ZEB2: variants seen among roughly 807,000 people sequenced by gnomAD.
ZEB2 encodes the protein zinc finger E-box-binding homeobox 2.
A neutral mutation model predicts 99.9 loss-of-function variants in ZEB2; 6 were observed. The observed-to-expected ratio is 0.06, with a 90% CI of 0.03 to 0.12. ZEB2 has a LOEUF of 0.12. Ranked by LOEUF, ZEB2 falls within the 10% of genes least tolerant of loss-of-function variation. The probability of loss-of-function intolerance (pLI) is 1.00; values close to 1 mark genes in which losing one functional copy is unlikely to be tolerated. For synonymous variants in ZEB2, 517 were observed against 542.5 expected (o/e 0.95, Z 0.65); for missense variants, 969 against 1,502.8 (o/e 0.64, Z 5.87).
chr2:144,512,323 T>C, intron 2 of ZEB2: 1 of 1,287,214 alleles, frequency 7.8e-7, no homozygotes, highest in Non-Finnish European at 1.0e-6. Flanking sequence ...TGACAAAAAC[T>C]GTTGCAAGGA....
intron 2 of ZEB2, among the ~76,000 whole-genome samples, chr2:144,472,081 T>C (rs562508110): frequency 6.6e-6 from 1 of 151,812 alleles, no homozygotes. Flanking sequence ...GCATAACATG[T>C]TTCCATTTAA....
chr2:144,417,626 C>T (rs1056508296), intron 4 of ZEB2, among the ~76,000 whole-genome samples: 4 of 152,088 alleles, frequency 2.6e-5, no homozygotes, highest in African/African-American at 4.8e-5. Flanking sequence ...GGTATATATA[C>T]CATTCATTAT....
chr2:144,490,159 G>A (rs1027600785), intron 2 of ZEB2, among the ~76,000 whole-genome samples: 8 of 152,176 alleles, frequency 5.3e-5, no homozygotes, highest in Non-Finnish European at 1.0e-4. Flanking sequence ...GCAATGGTAA[G>A]AGCATGACTC....
chr2:144,479,376 G>C (rs977699973), intron 2 of ZEB2, among the ~76,000 whole-genome samples: 2 of 152,098 alleles, frequency 1.3e-5, no homozygotes, highest in African/African-American at 4.8e-5. Flanking sequence ...GGCCTTTCTT[G>C]TCTAGTTCAC....
At chr2:144,439,266 C>T (rs1703877234) in intron 2 of ZEB2, among the ~76,000 whole-genome samples, 1 of 152,012 alleles carries the variant, frequency 6.6e-6, no homozygotes, top group Non-Finnish European at 1.5e-5. Flanking sequence ...GCATGGAGAC[C>T]CTACCAGGCA....
In ZEB2 at chr2:144,389,003, T is replaced by C. The variant is rs1703118555; in HGVS notation, c.*448A>G. 2.4e-6 allele frequency: 1 copy of C among 417,248 alleles called. No homozygotes were observed. Among genetic ancestry groups the C allele is most frequent in the Non-Finnish European group, 4.5e-6 (1 of 223,028 alleles). 25.8% of individuals were successfully genotyped at this position (417,248 alleles called of 1,614,324 possible). A position where few individuals can be genotyped will look rare whatever the true frequency, so the allele number is the denominator to read the frequency against. On this transcript the variant is annotated 3_prime_UTR_variant, in exon 10 of 10. Transcript: ENST00000627532. The surrounding 1 kb of genome is among the most constrained non-coding windows in gnomAD (Gnocchi z 6.8). ...CAGAGGAATCATAATACTGATGCAT[T>C]GTAGTGCGAGCACATTAAATTAAAA...
intron 9 of ZEB2, among the ~76,000 whole-genome samples, chr2:144,392,299 A>G (rs1238340333): frequency 6.6e-6 from 1 of 152,222 alleles, no homozygotes; most frequent in Non-Finnish European, 1.5e-5. Context: ...TTGAATGAAC[A>G]TTATGATATG....
chr2:144,409,451 C>T (rs1248269245), intron 4 of ZEB2, among the ~76,000 whole-genome samples: 1 of 152,106 alleles, frequency 6.6e-6, no homozygotes, highest in East Asian at 1.9e-4. Context: ...CATTTTCCTT[C>T]TTTCTGTAAT....
intron 2 of ZEB2, among the ~76,000 whole-genome samples, chr2:144,485,820 T>C (rs1316696584): frequency 3.9e-5 from 6 of 152,154 alleles, no homozygotes; most frequent in Non-Finnish European, 7.3e-5. Flanking sequence ...GGTTTCACCA[T>C]GTTGGCCAGA....
intron 2 of ZEB2, among the ~76,000 whole-genome samples, chr2:144,493,063 A>G (rs1704705210): frequency 6.6e-6 from 1 of 152,218 alleles, no homozygotes; most frequent in African/African-American, 2.4e-5. Context: ...AAGAAAAAGT[A>G]CCATGTATAT....
chr2:144,468,058 G>A (rs1196441861), intron 2 of ZEB2, among the ~76,000 whole-genome samples: 2 of 152,078 alleles, frequency 1.3e-5, no homozygotes, highest in Non-Finnish European at 2.9e-5. Context: ...TCAAAGGGGA[G>A]TAGTTTGGAA....
At chr2:144,430,469 C>A (rs1703755313) in intron 2 of ZEB2, 1 of 208,232 alleles carries the variant, frequency 4.8e-6, no homozygotes, top group Non-Finnish European at 1.1e-5. Context: ...GTGGTTTTTT[C>A]CCTAGAAACA....
intron 2 of ZEB2, among the ~76,000 whole-genome samples, chr2:144,465,108 C>A (rs976554586): frequency 6.6e-5 from 10 of 152,138 alleles, no homozygotes; most frequent in African/African-American, 1.7e-4. Flanking sequence ...GAAATCTTTA[C>A]CCCGTTTGTA....
At chr2:144,448,263 G>C (rs759228791) in intron 2 of ZEB2, among the ~76,000 whole-genome samples, 5 of 152,118 alleles carry the variant, frequency 3.3e-5, no homozygotes, top group Admixed American at 6.6e-5. Context: ...ATTTAAGCAT[G>C]AAATATATAA....
At chr2:144,410,816 TA>T (rs1703449973) in intron 4 of ZEB2, among the ~76,000 whole-genome samples, 1 of 151,796 alleles carries the variant, frequency 6.6e-6, no homozygotes, top group Admixed American at 6.6e-5. Context: ...AATGAATAAA[TA>T]ATTCTTTTTA....
intron 2 of ZEB2, among the ~76,000 whole-genome samples, chr2:144,435,567 C>A (rs1052101378): frequency 6.6e-6 from 1 of 150,668 alleles, no homozygotes; most frequent in South Asian, 2.1e-4. Flanking sequence ...CCACTGCACT[C>A]CAGCCTGGGC....
At chr2:144,513,906 G>C in intron 2 of ZEB2, 1 of 1,493,942 alleles carries the variant, frequency 6.7e-7, no homozygotes. Flanking sequence ...AGGCGACTGA[G>C]GATCATCTGA....
rs761965618 is a variant in ZEB2, at chr2:144,396,396, G to A, written c.3067+16C>T. The A allele has an allele frequency of 2.5e-6, 4 of 1,612,554 alleles. No individual in the cohort carries two copies. The highest frequency in any genetic ancestry group is 3.4e-6 in the Non-Finnish European group (4 of 1,179,902). On this transcript the variant is annotated intron_variant, in intron 9 of 9. Transcript: ENST00000627532. ...AGGACGGGAAGCTCTAACCAGTTAG[G>A]CAAAGTCACTCATACCTGTGTGTTC...
Position 144,386,250 on chromosome 2 carries a change from T to A in ZEB2, c.*3201A>T, listed in dbSNP as rs1703081671. The A allele has an allele frequency of 1.3e-5, 2 of 152,108 alleles. No individual in the cohort carries two copies. Among genetic ancestry groups the A allele is most frequent in the Non-Finnish European group, 2.9e-5 (2 of 68,004 alleles). 9.4% of individuals were successfully genotyped at this position (152,108 alleles called of 1,614,324 possible). Reference sequence around the variant, plus strand: ...ACATCTGATGTTACTAAAATGCACATCTCTTGGTTGTGGAGGGGAATTTCT... The same window carrying A: ...ACATCTGATGTTACTAAAATGCACAACTCTTGGTTGTGGAGGGGAATTTCT... On this transcript the variant is annotated 3_prime_UTR_variant, in exon 10 of 10. Coordinates refer to ENST00000627532, the MANE Select transcript of ZEB2 (RefSeq NM_014795.4).
Sources: allele counts gnomAD v4.1 joint callset (sites outside exome capture counted in the v4.1 genomes callset), GRCh38; gene constraint gnomAD v4.1.1; non-coding constraint Gnocchi (gnomAD v3.1); transcripts MANE v1.5; gene names NCBI Gene and HGNC (gene_info 2026-07-23, HGNC 2026-07-21).